Variants in SH3RF1 observed in about 807,000 individuals in gnomAD.
The protein encoded by SH3RF1 is E3 ubiquitin-protein ligase SH3RF1.
Under a neutral mutation model 74.0 loss-of-function variants are expected in SH3RF1, and 32 were observed. The observed-to-expected ratio is 0.43, with a 90% CI of 0.33 to 0.58. The LOEUF (loss-of-function observed/expected upper bound fraction) is 0.58, where lower values mean the gene tolerates loss of function less well. SH3RF1 is among the 20% of genes least tolerant of loss of function. SH3RF1 has a pLI of 0.05. For missense variants in SH3RF1, 954 were observed against 1,130.9 expected (o/e 0.84, Z 2.24); for synonymous variants, 396 against 439.6 (o/e 0.90, Z 1.24).
chr4:169,199,813 T>C (rs1734880191), intron 2 of SH3RF1, among the ~76,000 whole-genome samples: 1 of 152,048 alleles, frequency 6.6e-6, no homozygotes, highest in Non-Finnish European at 1.5e-5. Context: ...TAAGGTAAGG[T>C]GACAGTAACA....
chr4:169,106,373 C>T (rs953824136), intron 11 of SH3RF1, among the ~76,000 whole-genome samples: 3 of 151,356 alleles, frequency 2.0e-5, no homozygotes, highest in Non-Finnish European at 4.4e-5. Flanking sequence ...TCAGTGTGGC[C>T]CAAGACAATT....
rs1487773792 is a variant in SH3RF1 at position 169,095,431 on chromosome 4, C to A, written c.*1088G>T. 1 of 152,612 alleles carries A rather than the reference C, an allele frequency of 6.6e-6. No individual in the cohort carries two copies. The highest frequency in any genetic ancestry group is 2.4e-5 in the African/African-American group (1 of 41,424). 9.5% of individuals were successfully genotyped at this position (152,612 alleles called of 1,614,324 possible). On this transcript the variant is annotated 3_prime_UTR_variant, in exon 12 of 12. Transcript: ENST00000284637. ...AGGAAATCGCAATGAAATATACACA[C>A]CATGCACAGTCTATATTACTGTGGG...
chr4:169,118,468 A>G (rs1733380074), intron 8 of SH3RF1, among the ~76,000 whole-genome samples: 1 of 152,054 alleles, frequency 6.6e-6, no homozygotes, highest in Non-Finnish European at 1.5e-5. Context: ...TAGTAGTAGT[A>G]GTATTTTTTT....
At chr4:169,262,780 T>A (rs557518717) in intron 2 of SH3RF1, among the ~76,000 whole-genome samples, 15 of 152,296 alleles carry the variant, frequency 9.8e-5, no homozygotes, top group South Asian at 4.2e-4. Context: ...ATTACTTTTT[T>A]AAAAAAATTA....
intron 4 of SH3RF1, among the ~76,000 whole-genome samples, chr4:169,146,069 T>A (rs1297659745): frequency 7.3e-6 from 1 of 137,382 alleles, no homozygotes; most frequent in Non-Finnish European, 1.5e-5. Flanking sequence ...ATATTCTATA[T>A]AAAATATTAT....
At chr4:169,157,557 C>T (rs1457360814) in intron 2 of SH3RF1, among the ~76,000 whole-genome samples, 2 of 152,160 alleles carry the variant, frequency 1.3e-5, no homozygotes, top group African/African-American at 4.8e-5. Flanking sequence ...CAATCTTGAG[C>T]ATCAGTTGTC....
At chr4:169,245,019 G>T (rs1212744100) in intron 2 of SH3RF1, among the ~76,000 whole-genome samples, 1 of 152,100 alleles carries the variant, frequency 6.6e-6, no homozygotes, top group Non-Finnish European at 1.5e-5. Context: ...TCTGTAAGCG[G>T]ATATTCCATC....
At chr4:169,243,514 A>G (rs1396476815) in intron 2 of SH3RF1, among the ~76,000 whole-genome samples, 1 of 152,236 alleles carries the variant, frequency 6.6e-6, no homozygotes, top group African/African-American at 2.4e-5. Flanking sequence ...TTCCTTCTCA[A>G]TAAATAAATA....
chr4:169,221,330 T>C (rs1417178531), intron 2 of SH3RF1, among the ~76,000 whole-genome samples: 16 of 152,212 alleles, frequency 1.1e-4, no homozygotes, highest in East Asian at 5.8e-4. Flanking sequence ...AATAGGTCTC[T>C]CCAACAAACT....
intron 4 of SH3RF1, among the ~76,000 whole-genome samples, chr4:169,145,573 AT>A (rs1201289569): frequency 6.8e-6 from 1 of 147,914 alleles, no homozygotes; most frequent in East Asian, 1.9e-4. Flanking sequence ...AAATATATAT[AT>A]ATTATATATC....
chr4:169,127,964 A>T (rs1733553602), intron 6 of SH3RF1, among the ~76,000 whole-genome samples: 1 of 152,124 alleles, frequency 6.6e-6, no homozygotes, highest in Non-Finnish European at 1.5e-5. Context: ...CAAATCCAAA[A>T]ATCTGAAATC....
intron 2 of SH3RF1, among the ~76,000 whole-genome samples, chr4:169,236,194 G>A (rs1296931558): frequency 6.6e-6 from 1 of 152,086 alleles, no homozygotes; most frequent in Non-Finnish European, 1.5e-5. Context: ...TGCCCTTTCC[G>A]ACCTCCTTGA....
chr4:169,268,360 A>G lies in SH3RF1; in HGVS notation c.393+460T>C, dbSNP rs372349520. ...TGTGCTGTGTATTCATAAAACCAAT[A>G]GAATGATTCTAAGCAACATAAAAAT... On this transcript the variant is annotated intron_variant, in intron 2 of 11. Transcript: ENST00000284637. Among the ~76,000 whole-genome samples, 56 of 152,358 alleles carry G rather than the reference A, an allele frequency of 3.7e-4. No individual in the cohort carries two copies. The South Asian group carries it at 0.011, about 29-fold the overall frequency.
At chr4:169,132,955 T>G (rs1237504857) in intron 5 of SH3RF1, among the ~76,000 whole-genome samples, 1 of 152,228 alleles carries the variant, frequency 6.6e-6, no homozygotes, top group Non-Finnish European at 1.5e-5. Flanking sequence ...ATAAGTAATC[T>G]TTCAATTTAT....
intron 2 of SH3RF1, among the ~76,000 whole-genome samples, chr4:169,180,992 C>T (rs942579034): frequency 2.6e-5 from 4 of 152,168 alleles, no homozygotes; most frequent in African/African-American, 4.8e-5. Context: ...CACAAATTCG[C>T]TCTAGGGACC....
At chr4:169,195,853 C>T (rs921107361) in intron 2 of SH3RF1, among the ~76,000 whole-genome samples, 17 of 152,056 alleles carry the variant, frequency 1.1e-4, no homozygotes, top group Non-Finnish European at 2.2e-4. Flanking sequence ...TATTTTTATT[C>T]TTTTAATTTT....
chr4:169,161,352 T>A (rs540450875), intron 2 of SH3RF1, among the ~76,000 whole-genome samples: 20 of 152,342 alleles, frequency 1.3e-4, no homozygotes, highest in African/African-American at 4.6e-4. Context: ...TTCAAATAAT[T>A]TTTGTTTCCA....
At chr4:169,175,935 G>C (rs969890858) in intron 2 of SH3RF1, among the ~76,000 whole-genome samples, 1 of 152,214 alleles carries the variant, frequency 6.6e-6, no homozygotes, top group African/African-American at 2.4e-5. Flanking sequence ...AACCACAGGG[G>C]ATGAGGTCAT....
intron 2 of SH3RF1, among the ~76,000 whole-genome samples, chr4:169,241,806 T>C (rs1730915310): frequency 6.6e-6 from 1 of 152,238 alleles, no homozygotes; most frequent in Non-Finnish European, 1.5e-5. Flanking sequence ...GGTTTCCTCC[T>C]GTGAGGCCCT....
Sources: allele counts gnomAD v4.1 joint callset (sites outside exome capture counted in the v4.1 genomes callset), GRCh38; gene constraint gnomAD v4.1.1; transcripts MANE v1.5; gene names NCBI Gene and HGNC (gene_info 2026-07-23, HGNC 2026-07-21).